The following RELN variants were observed in gnomAD, a reference collection of about 807,000 sequenced individuals.
The protein encoded by RELN is reelin.
Under a neutral mutation model 427.6 loss-of-function variants are expected in RELN, and 108 were observed. The observed-to-expected ratio is 0.25, with a 90% CI of 0.22 to 0.30. RELN has a LOEUF of 0.30. Among genes scored for constraint, RELN ranks in the 10% least tolerant of loss-of-function variants. RELN has a pLI of 1.00. For missense variants in RELN, 3,715 were observed against 4,302.8 expected, an observed-to-expected ratio of 0.86 and a Z score of 3.82; for synonymous variants, 1,524 against 1,513.4, an observed-to-expected ratio of 1.01 and a Z score of -0.16.
intron 10 of RELN, among the ~76,000 whole-genome samples, chr7:103,688,368 T>C (rs1365872656): frequency 6.6e-6 from 1 of 152,098 alleles, no homozygotes; most frequent in Non-Finnish European, 1.5e-5. Context: ...TTTTCTCTTA[T>C]TTGTCCTGTA....
intron 2 of RELN, among the ~76,000 whole-genome samples, chr7:103,864,454 C>G (rs1348158946): frequency 2.0e-5 from 3 of 152,092 alleles, no homozygotes; most frequent in African/African-American, 7.2e-5. Flanking sequence ...ACCGTTTCCC[C>G]CTCCTCCTGG....
Position 103,545,216 on chromosome 7 carries a change from T to A in RELN, c.6431A>T (p.Asn2144Ile), listed in dbSNP as rs776658515. 1.9e-6 allele frequency: 3 copies of A among 1,614,174 alleles called. No homozygotes were observed. The highest frequency in any genetic ancestry group is 2.5e-6 in the Non-Finnish European group (3 of 1,180,016). Residue 2144 changes from asparagine to isoleucine, a missense_variant, in exon 42 of 65, where the codon AAT (asparagine) becomes ATT (isoleucine). Coordinates refer to ENST00000428762, the MANE Select transcript of RELN (RefSeq NM_005045.4). ...AGGGTCACATATACATTTGGTTCCATTGATACAGCTCCCCTGTCCATTACA... is the reference window on the plus strand; with the variant it reads ...AGGGTCACATATACATTTGGTTCCAATGATACAGCTCCCCTGTCCATTACA... ...EMCNGQGSCI[N>I]GTKCICDPGY...
chr7:103,736,905 G>C (rs894157162), intron 6 of RELN, among the ~76,000 whole-genome samples: 5 of 152,108 alleles, frequency 3.3e-5, no homozygotes, highest in Non-Finnish European at 5.9e-5. Context: ...CATCATGATA[G>C]AAAAAGAGGG....
At chr7:103,913,826 T>C (rs1372288553) in intron 2 of RELN, among the ~76,000 whole-genome samples, 1 of 152,208 alleles carries the variant, frequency 6.6e-6, no homozygotes, top group Non-Finnish European at 1.5e-5. Context: ...TTTAAAGTTA[T>C]TTACTACTGT....
At chr7:103,729,379 A>G (rs1283374367) in intron 6 of RELN, among the ~76,000 whole-genome samples, 1 of 152,204 alleles carries the variant, frequency 6.6e-6, no homozygotes, top group Non-Finnish European at 1.5e-5. Context: ...CAGGAGGCAG[A>G]AACACTGCAC....
intron 2 of RELN, among the ~76,000 whole-genome samples, chr7:103,863,115 A>G (rs1794109836): frequency 6.6e-6 from 1 of 152,170 alleles, no homozygotes; most frequent in African/African-American, 2.4e-5. Context: ...ACTGAAACGA[A>G]TAAGCAACAA....
rs74957384 is a variant in RELN at position 103,962,716 on chromosome 7, C to A, written c.226+26415G>T. Among the ~76,000 whole-genome samples the A allele has an allele frequency of 4.0e-5, 6 of 151,830 alleles. No homozygotes were observed. The East Asian group carries it at 9.6e-4, about 24-fold the overall frequency. ...ATTATGGACTAATGAATTCAGGAGT[C>A]TGCCATTACCAAAACATAGCATGAC... is the stretch of plus-strand genomic sequence containing the variant. On this transcript the variant is annotated intron_variant, in intron 1 of 64. Coordinates refer to ENST00000428762, the MANE Select transcript of RELN (RefSeq NM_005045.4).
intron 8 of RELN, among the ~76,000 whole-genome samples, chr7:103,704,891 T>C (rs77336564): frequency 0.016 from 2,382 of 152,274 alleles, 62 homozygotes; most frequent in African/African-American, 0.054. Flanking sequence ...TCCCAGGTCA[T>C]TGGGGAGTTC....
At chr7:103,583,843 G>A (rs146914293) in intron 28 of RELN, among the ~76,000 whole-genome samples, 4 of 152,220 alleles carry the variant, frequency 2.6e-5, no homozygotes, top group Non-Finnish European at 4.4e-5. Context: ...GTGGGAGAGC[G>A]CCACTACCCA....
rs574879897 is a variant in RELN at position 103,503,180 on chromosome 7, A to G, written c.8325T>C (p.His2775=). The part of the protein sequence containing the change: ...VSEKIAQNQI[H]VQYSTDFGVS... ...CACCGAAGTCAGTAGAATACTGCAC[A>G]TGAATTTGATTCTGGGCAATTTTTT... Residue 2775 remains histidine, a synonymous_variant, in exon 52 of 65, where the codon CAT becomes CAC. Transcript: ENST00000428762. The G allele has an allele frequency of 6.2e-7, 1 of 1,614,100 alleles. No homozygotes were observed. The highest frequency in any genetic ancestry group is 1.3e-5 in the African/African-American group (1 of 74,936).
chr7:103,939,945 T>C (rs1796074006), intron 1 of RELN, among the ~76,000 whole-genome samples: 1 of 152,218 alleles, frequency 6.6e-6, no homozygotes, highest in Non-Finnish European at 1.5e-5. Context: ...ATGTTCTGCT[T>C]GTTGAACTGG....
chr7:103,777,866 G>C, intron 3 of RELN, among the ~76,000 whole-genome samples: 1 of 128,514 alleles, frequency 7.8e-6, no homozygotes, highest in Non-Finnish European at 1.7e-5. Flanking sequence ...TATTTCAGCA[G>C]TGAAAGTGTT....
intron 6 of RELN, among the ~76,000 whole-genome samples, chr7:103,739,836 G>T (rs1358071462): frequency 1.3e-5 from 2 of 152,190 alleles, no homozygotes; most frequent in African/African-American, 4.8e-5. Flanking sequence ...AGAAGGACCA[G>T]AGTTGCACAA....
intron 9 of RELN, 58 bp from the exon 10 acceptor site, chr7:103,698,151 T>C: frequency 6.2e-7 from 1 of 1,607,164 alleles, no homozygotes; most frequent in Admixed American, 1.7e-5. Context: ...TTCTTAGAGA[T>C]GAATTTTGTT....
At chr7:103,688,013 A>G (rs1287800588) in intron 10 of RELN, among the ~76,000 whole-genome samples, 16 of 152,120 alleles carry the variant, frequency 1.1e-4, no homozygotes, top group Non-Finnish European at 2.1e-4. Context: ...AAGTCCTCTT[A>G]TTAGCTTAAC....
At chr7:103,609,979 C>T (rs1046924085) in intron 22 of RELN, among the ~76,000 whole-genome samples, 4 of 152,082 alleles carry the variant, frequency 2.6e-5, no homozygotes, top group South Asian at 2.1e-4. Context: ...GTTAAGATCA[C>T]GTGATTAATT....
intron 3 of RELN, among the ~76,000 whole-genome samples, chr7:103,819,735 G>A (rs1480666250): frequency 6.6e-6 from 1 of 151,894 alleles, no homozygotes; most frequent in Admixed American, 6.6e-5. Context: ...TTCAAATAAT[G>A]AAATATTTGA....
chr7:103,608,109 G>A (rs1324736138), intron 22 of RELN, among the ~76,000 whole-genome samples: 3 of 152,112 alleles, frequency 2.0e-5, no homozygotes, highest in African/African-American at 7.2e-5. Flanking sequence ...GCAGAACAAA[G>A]ATTTGGCCAA....
intron 57 of RELN, among the ~76,000 whole-genome samples, chr7:103,494,685 A>G (rs1463617266): frequency 1.3e-5 from 2 of 151,794 alleles, no homozygotes; most frequent in African/African-American, 2.4e-5. Context: ...AGATACATCA[A>G]TTGATATTGC....
Sources: allele counts gnomAD v4.1 joint callset (sites outside exome capture counted in the v4.1 genomes callset), GRCh38; gene constraint gnomAD v4.1.1; transcripts MANE v1.5; gene names NCBI Gene and HGNC (gene_info 2026-07-23, HGNC 2026-07-21).